The following CNTN5 variants were observed in gnomAD, a reference collection of about 807,000 sequenced individuals.
CNTN5 encodes contactin 5.
A neutral mutation model predicts 129.1 loss-of-function variants in CNTN5; 77 were observed. The ratio of observed to expected loss-of-function variants is 0.60; its 90% CI spans 0.50 to 0.72. CNTN5 has a LOEUF of 0.72. Ranked by LOEUF, CNTN5 falls within the 30% of genes least tolerant of loss-of-function variation. The probability of loss-of-function intolerance (pLI) is 0.00; values close to 1 mark genes in which losing one functional copy is unlikely to be tolerated. For missense variants in CNTN5, 1,478 were observed against 1,328.8 expected (o/e 1.11, Z -1.75); for synonymous variants, 509 against 465.6 (o/e 1.09, Z -1.20).
chr11:100,043,020 C>T (rs1218349901), intron 9 of CNTN5, among the ~76,000 whole-genome samples: 2 of 148,220 alleles, frequency 1.3e-5, no homozygotes, highest in Non-Finnish European at 3.0e-5. Context: ...TAGCTAAAAT[C>T]AGTCCTTTGT....
At chr11:99,897,997 A>G (rs1193899490) in intron 6 of CNTN5, among the ~76,000 whole-genome samples, 1 of 152,200 alleles carries the variant, frequency 6.6e-6, no homozygotes, top group Admixed American at 6.5e-5. Context: ...GAACAACAGC[A>G]TCAAGTCAGA....
At chr11:100,223,330 A>G (rs940538820) in intron 15 of CNTN5, among the ~76,000 whole-genome samples, 9 of 152,186 alleles carry the variant, frequency 5.9e-5, no homozygotes, top group African/African-American at 1.4e-4. Flanking sequence ...ACACAACAGA[A>G]ATTAAATACC....
chr11:99,196,404 G>A (rs1858904261), intron 1 of CNTN5, among the ~76,000 whole-genome samples: 1 of 151,718 alleles, frequency 6.6e-6, no homozygotes, highest in Non-Finnish European at 1.5e-5. Flanking sequence ...ACATTGGTGT[G>A]TTTACATGTG....
Position 99,314,792 on chromosome 11 carries a change from A to T in CNTN5, c.-209-10554A>T, listed in dbSNP as rs1865270567. 1.5e-5 allele frequency among the ~76,000 whole-genome samples: 2 copies of T among 130,762 alleles called. 1 individual carries two copies. Among genetic ancestry groups the T allele is most frequent in the Non-Finnish European group, 3.6e-5 (2 of 55,608 alleles). The allele number at this position is 130,762 out of a possible 152,430, so 85.8% of individuals were successfully genotyped here. A position where few individuals can be genotyped will look rare whatever the true frequency, so the allele number is the denominator to read the frequency against. On this transcript the variant is annotated intron_variant, in intron 1 of 24. Transcript: ENST00000524871. ...GGGGAGGAGGTGCACATGTGTAATT[A>T]AAATATCCATAACACTTTAAGATGG...
intron 2 of CNTN5, among the ~76,000 whole-genome samples, chr11:99,400,054 C>A (rs1340954944): frequency 1.3e-5 from 2 of 151,874 alleles, no homozygotes; most frequent in East Asian, 3.9e-4. Context: ...ACTTTTAAAA[C>A]ATACAATTTA....
chr11:99,566,066 G>T (rs906420305), intron 3 of CNTN5, among the ~76,000 whole-genome samples: 1 of 152,124 alleles, frequency 6.6e-6, no homozygotes, highest in East Asian at 1.9e-4. Flanking sequence ...TGCAAATCTC[G>T]TGTTGAAATG....
intron 3 of CNTN5, among the ~76,000 whole-genome samples, chr11:99,791,709 T>A (rs1463326861): frequency 1.3e-5 from 2 of 152,188 alleles, no homozygotes; most frequent in East Asian, 3.8e-4. Flanking sequence ...CTTTGGGCAG[T>A]TTGGCATTTT....
chr11:100,121,709 C>T (rs1226577905), intron 13 of CNTN5, among the ~76,000 whole-genome samples: 2 of 151,978 alleles, frequency 1.3e-5, no homozygotes, highest in African/African-American at 4.8e-5. Context: ...GATTGATGTC[C>T]TGGACCTAAT....
intron 3 of CNTN5, among the ~76,000 whole-genome samples, chr11:99,636,813 G>A (rs7928695): frequency 0.95 from 142,994 of 150,466 alleles, 68,311 homozygotes; most frequent in Non-Finnish European, 1. Context: ...CAGGAGATCA[G>A]GACGATCCTG....
intron 3 of CNTN5, among the ~76,000 whole-genome samples, chr11:99,731,089 T>C (rs1943515819): frequency 6.6e-6 from 1 of 152,018 alleles, no homozygotes; most frequent in Non-Finnish European, 1.5e-5. Flanking sequence ...AGCAGCTATA[T>C]AACCTGGAAA....
intron 4 of CNTN5, among the ~76,000 whole-genome samples, chr11:99,820,915 C>T (rs1224651635): frequency 1.3e-5 from 2 of 152,110 alleles, no homozygotes; most frequent in African/African-American, 4.8e-5. Context: ...GGTTGTGGTG[C>T]CAGGTGCAGG....
At chr11:100,169,593 G>T (rs538832606) in intron 13 of CNTN5, among the ~76,000 whole-genome samples, 9 of 152,024 alleles carry the variant, frequency 5.9e-5, no homozygotes, top group South Asian at 2.1e-4. Flanking sequence ...TATGTGCATT[G>T]TTTCTTAGAC....
chr11:99,129,651 C>T (rs1239969690), intron 1 of CNTN5, among the ~76,000 whole-genome samples: 1 of 152,062 alleles, frequency 6.6e-6, no homozygotes. Context: ...TACTGCAAGA[C>T]ACATAACCTT....
chr11:99,443,905 A>C (rs1043484847), intron 2 of CNTN5, among the ~76,000 whole-genome samples: 3 of 152,172 alleles, frequency 2.0e-5, no homozygotes, highest in Admixed American at 2.0e-4. Context: ...CAGTAACTTT[A>C]TTGAAAATAT....
chr11:99,424,581 C>T (rs1943037737), intron 2 of CNTN5, among the ~76,000 whole-genome samples: 1 of 152,240 alleles, frequency 6.6e-6, no homozygotes, highest in South Asian at 2.1e-4. Context: ...TGCAGCTGGG[C>T]CAGACGTAAT....
At chr11:100,347,340 A>G (rs1952305399) in intron 23 of CNTN5, among the ~76,000 whole-genome samples, 1 of 151,960 alleles carries the variant, frequency 6.6e-6, no homozygotes, top group African/African-American at 2.4e-5. Context: ...CTCCTCCTTC[A>G]TCTTATATTC....
At chr11:99,669,837 T>C (rs1384178448) in intron 3 of CNTN5, among the ~76,000 whole-genome samples, 1 of 152,130 alleles carries the variant, frequency 6.6e-6, no homozygotes, top group East Asian at 1.9e-4. Flanking sequence ...AATGACATTT[T>C]CTCATTCAAC....
chr11:99,433,409 G>GTCTT (rs1473000729), intron 2 of CNTN5, among the ~76,000 whole-genome samples: 223 of 147,932 alleles, frequency 1.5e-3, no homozygotes, highest in African/African-American at 4.8e-3. Context: ...GTGTCTTTGT[G>GTCTT]TGTGTGTGTG....
chr11:99,196,280 C>A (rs76090581), intron 1 of CNTN5, among the ~76,000 whole-genome samples: 2 of 151,644 alleles, frequency 1.3e-5, no homozygotes, highest in Non-Finnish European at 3.0e-5. Context: ...CATATTTTTA[C>A]AATTTATTTT....
Sources: allele counts gnomAD v4.1 joint callset (sites outside exome capture counted in the v4.1 genomes callset), GRCh38; gene constraint gnomAD v4.1.1; transcripts MANE v1.5; gene names NCBI Gene and HGNC (gene_info 2026-07-23, HGNC 2026-07-21).